Variants in EXOC4 observed in about 807,000 individuals in gnomAD.
EXOC4 encodes the protein SEC8-like 1.
EXOC4 carries 71 observed loss-of-function variants against 107.2 expected under a neutral mutation model. The observed-to-expected ratio is 0.66, with a 90% CI of 0.55 to 0.81. EXOC4 has a LOEUF of 0.81. Ranked by LOEUF, EXOC4 falls within the 30% of genes least tolerant of loss-of-function variation. EXOC4 has a pLI of 0.00. For missense variants in EXOC4, 1,108 were observed against 1,189.6 expected (o/e 0.93, Z 1.01); for synonymous variants, 456 against 441.2 (o/e 1.03, Z -0.42).
At chr7:133,485,062 A>C (rs1245632475) in intron 9 of EXOC4, among the ~76,000 whole-genome samples, 1 of 140,784 alleles carries the variant, frequency 7.1e-6, no homozygotes, top group Non-Finnish European at 1.5e-5. Context: ...CCTGGGAGAC[A>C]CAGCGAGACT....
chr7:133,744,472 C>T (rs1406239362), intron 10 of EXOC4, among the ~76,000 whole-genome samples: 1 of 152,034 alleles, frequency 6.6e-6, no homozygotes, highest in African/African-American at 2.4e-5. Flanking sequence ...AAGAAATGTA[C>T]GAAGCTGGTA....
At chr7:133,446,932 C>G (rs997452324) in intron 7 of EXOC4, among the ~76,000 whole-genome samples, 4 of 152,186 alleles carry the variant, frequency 2.6e-5, no homozygotes, top group Admixed American at 6.5e-5. Flanking sequence ...ATATGCATTT[C>G]TCAACCTGCT....
At chr7:133,789,707 T>G (rs1319052061) in intron 10 of EXOC4, among the ~76,000 whole-genome samples, 1 of 152,192 alleles carries the variant, frequency 6.6e-6, no homozygotes, top group Non-Finnish European at 1.5e-5. Flanking sequence ...GTCTATCCAT[T>G]TCAAAGGGAA....
chr7:133,972,933 G>T (rs1315564126), intron 14 of EXOC4, among the ~76,000 whole-genome samples: 1 of 152,212 alleles, frequency 6.6e-6, no homozygotes, highest in African/African-American at 2.4e-5. Context: ...TAGTCAATCA[G>T]CTGGGTAGCC....
intron 5 of EXOC4, among the ~76,000 whole-genome samples, chr7:133,347,844 A>G (rs571562854): frequency 1.3e-5 from 2 of 152,326 alleles, no homozygotes; most frequent in East Asian, 3.9e-4. Context: ...ATTTAGCATT[A>G]TCAGTCTGTG....
At chr7:133,665,817 G>T (rs1464002447) in intron 10 of EXOC4, among the ~76,000 whole-genome samples, 1 of 151,926 alleles carries the variant, frequency 6.6e-6, no homozygotes, top group East Asian at 1.9e-4. Flanking sequence ...TGTTAATCCA[G>T]CCAGAACCTT....
downstream of EXOC4, among the ~76,000 whole-genome samples, chr7:134,070,632 C>T (rs1217136746): frequency 6.6e-6 from 1 of 152,044 alleles, no homozygotes; most frequent in East Asian, 1.9e-4. Context: ...CATGTCTGGG[C>T]CAAAGACGCG....
chr7:133,681,902 C>CATT (rs570468236), intron 10 of EXOC4, among the ~76,000 whole-genome samples: 47 of 151,426 alleles, frequency 3.1e-4, no homozygotes, highest in East Asian at 7.7e-4. Flanking sequence ...AATTGGTAGC[C>CATT]ATTATTATTA....
rs191940712 is a variant in EXOC4, at chr7:133,751,982, C to T, written c.1515-65343C>T. ...CAACATAGTGAGACTATCTCTCTAC[C>T]AAATAAATAAATAAATAAATAAATA... is the stretch of plus-strand genomic sequence containing the variant. On this transcript the variant is annotated intron_variant, in intron 10 of 17. Coordinates refer to ENST00000253861, the MANE Select transcript of EXOC4 (RefSeq NM_021807.4). 7.1e-4 allele frequency among the ~76,000 whole-genome samples: 89 copies of T among 125,092 alleles called. No homozygotes were observed. In the Middle Eastern group the frequency reaches 0.02, roughly 29 times the overall value. The allele number at this position is 125,092 out of a possible 152,430, so 82.1% of individuals were successfully genotyped here.
chr7:133,401,216 C>A (rs998908202), intron 7 of EXOC4, among the ~76,000 whole-genome samples: 4 of 150,700 alleles, frequency 2.7e-5, no homozygotes, highest in African/African-American at 9.8e-5. Flanking sequence ...AGAGATTTGG[C>A]CTCTTTGTAG....
intron 11 of EXOC4, among the ~76,000 whole-genome samples, chr7:133,819,277 C>CTTT (rs59308684): frequency 0.014 from 2,057 of 142,728 alleles, 46 homozygotes; most frequent in African/African-American, 0.02. Flanking sequence ...AAATGGAATA[C>CTTT]TTTTTTTTTT....
At chr7:133,568,355 C>A (rs1171214782) in intron 9 of EXOC4, among the ~76,000 whole-genome samples, 2 of 151,692 alleles carry the variant, frequency 1.3e-5, no homozygotes, top group African/African-American at 4.8e-5. Flanking sequence ...AATATTTAAT[C>A]TTTATTTTAT....
At chr7:133,698,707 ACT>A (rs1794593112) in intron 10 of EXOC4, among the ~76,000 whole-genome samples, 1 of 151,372 alleles carries the variant, frequency 6.6e-6, no homozygotes, top group Non-Finnish European at 1.5e-5. Flanking sequence ...ACATTAACAC[ACT>A]CTGTGCCTTG....
intron 10 of EXOC4, among the ~76,000 whole-genome samples, chr7:133,647,949 T>C (rs1803035599): frequency 6.6e-6 from 1 of 152,126 alleles, no homozygotes; most frequent in African/African-American, 2.4e-5. Flanking sequence ...TCAGAACACT[T>C]TGTTATGTTG....
chr7:134,081,474 T>G, the EXOC4 span, among the ~76,000 whole-genome samples: 1 of 152,236 alleles, frequency 6.6e-6, no homozygotes, highest in African/African-American at 2.4e-5. Flanking sequence ...ATCATTAATT[T>G]GATTATTGTT....
chr7:133,443,653 G>A (rs1426503601), intron 7 of EXOC4, among the ~76,000 whole-genome samples: 1 of 152,120 alleles, frequency 6.6e-6, no homozygotes, highest in East Asian at 1.9e-4. Context: ...GGGCATCAGT[G>A]GGTGGTGTGA....
At chr7:133,975,591 T>A (rs1374907839) in intron 14 of EXOC4, among the ~76,000 whole-genome samples, 1 of 152,166 alleles carries the variant, frequency 6.6e-6, no homozygotes, top group Admixed American at 6.6e-5. Flanking sequence ...AATGTAGGTA[T>A]GATCTCGTGA....
intron 11 of EXOC4, among the ~76,000 whole-genome samples, chr7:133,883,205 C>T (rs1460455532): frequency 2.6e-5 from 4 of 152,110 alleles, no homozygotes; most frequent in East Asian, 3.9e-4. Flanking sequence ...AGTTCATCCA[C>T]GTGTTGCATG....
intron 5 of EXOC4, among the ~76,000 whole-genome samples, chr7:133,342,666 AG>A (rs1292598904): frequency 6.7e-6 from 1 of 150,010 alleles, no homozygotes; most frequent in Non-Finnish European, 1.5e-5. Flanking sequence ...AATTAATTTT[AG>A]GTTTGGTTGT....
Sources: gnomAD v4.1 joint callset for allele counts (sites outside exome capture counted in the v4.1 genomes callset) on GRCh38, gnomAD v4.1.1 for gene constraint, MANE v1.5 for transcripts, NCBI Gene and HGNC (gene_info 2026-07-23, HGNC 2026-07-21) for gene names.